The following COBL variants were observed in gnomAD, a reference collection of about 807,000 sequenced individuals.
COBL encodes the protein protein cordon-bleu.
A neutral mutation model predicts 98.8 loss-of-function variants in COBL; 51 were observed. The ratio of observed to expected loss-of-function variants is 0.52; its 90% CI spans 0.41 to 0.65. The LOEUF is 0.65. Ranked by LOEUF, COBL falls within the 30% of genes least tolerant of loss-of-function variation. The pLI is 0.00. For synonymous variants in COBL, 634 were observed against 651.7 expected (o/e 0.97, Z 0.41); for missense variants, 1,617 against 1,617.5 (o/e 1.00, Z 0.01).
intron 7 of COBL, among the ~76,000 whole-genome samples, chr7:51,076,363 C>T (rs940927699): frequency 1.3e-5 from 2 of 152,214 alleles, no homozygotes; most frequent in East Asian, 3.8e-4. Context: ...GTTCCACGCC[C>T]TCTGCTCAAG....
chr7:51,060,705 T>C (rs767803736), intron 7 of COBL, among the ~76,000 whole-genome samples: 2 of 152,166 alleles, frequency 1.3e-5, no homozygotes, highest in Non-Finnish European at 2.9e-5. Flanking sequence ...CTCATGACTT[T>C]TATGTTCTAT....
At chr7:51,205,409 T>C (rs1791572271) in intron 2 of COBL, among the ~76,000 whole-genome samples, 1 of 151,972 alleles carries the variant, frequency 6.6e-6, no homozygotes, top group Non-Finnish European at 1.5e-5. Context: ...GAAGTCACAA[T>C]GGGGAAAGTA....
At position 51,025,187 on chromosome 7, in the gene COBL, G is replaced by C; in HGVS notation, c.3690C>G (p.Thr1230=). The change falls in exon 12 of 13, where the codon ACC becomes ACG. Residue 1230 remains threonine, a synonymous_variant. Transcript: ENST00000265136. ...PRTASRFSTG[T]LSNTADARQA... ...GCCTTGCGTCTGCGGTGTTGCTGAG[G>C]GTGCCCGTGCTGAACCTGGAGGCCG... The C allele has an allele frequency of 6.2e-7, 1 of 1,611,686 alleles. No homozygotes were observed. The highest frequency in any genetic ancestry group is 8.5e-7 in the Non-Finnish European group (1 of 1,179,806).
At chr7:51,190,119 C>G (rs1397344764) in intron 4 of COBL, among the ~76,000 whole-genome samples, 1 of 152,200 alleles carries the variant, frequency 6.6e-6, no homozygotes, top group Non-Finnish European at 1.5e-5. Flanking sequence ...TTTTAGAGAA[C>G]AGCTAAATGA....
chr7:51,107,174 A>C (rs1348272023), intron 6 of COBL, among the ~76,000 whole-genome samples: 2 of 143,148 alleles, frequency 1.4e-5, no homozygotes, highest in African/African-American at 2.6e-5. Flanking sequence ...GGCTCACTGC[A>C]ACCTCCACCT....
At chr7:51,192,476 T>C (rs1790209460) in intron 3 of COBL, among the ~76,000 whole-genome samples, 1 of 151,998 alleles carries the variant, frequency 6.6e-6, no homozygotes, top group Admixed American at 6.6e-5. Flanking sequence ...TGTGGTGGCA[T>C]GCACCTGTAG....
At chr7:51,261,632 C>A (rs1034928053) in intron 1 of COBL, among the ~76,000 whole-genome samples, 9 of 152,150 alleles carry the variant, frequency 5.9e-5, no homozygotes, top group Non-Finnish European at 1.0e-4. Flanking sequence ...CTGGCCTGTG[C>A]ACCAAGCCCA....
At chr7:51,134,688 CA>C (rs1307005576) in intron 6 of COBL, among the ~76,000 whole-genome samples, 1 of 152,134 alleles carries the variant, frequency 6.6e-6, no homozygotes, top group Admixed American at 6.5e-5. Flanking sequence ...AAGATATTCC[CA>C]GGGGCATGTA....
At chr7:51,184,025 G>T in intron 5 of COBL, 77 bp downstream of exon 5, 1 of 685,602 alleles carries the variant, frequency 1.5e-6, no homozygotes, top group Non-Finnish European at 2.4e-6. Context: ...AAAGTTCCAG[G>T]ACAGGTTGAA....
chr7:51,113,981 G>GT (rs752980311), intron 6 of COBL, among the ~76,000 whole-genome samples: 2 of 152,166 alleles, frequency 1.3e-5, no homozygotes, highest in Non-Finnish European at 2.9e-5. Context: ...AAATGTGCGT[G>GT]TTTTCTAGGT....
intron 2 of COBL, among the ~76,000 whole-genome samples, chr7:51,198,946 G>A (rs1179704489): frequency 1.3e-5 from 2 of 152,200 alleles, no homozygotes; most frequent in African/African-American, 4.8e-5. Flanking sequence ...CAGCCTGCTG[G>A]CAGGCTCATA....
At chr7:51,083,022 A>G in intron 7 of COBL, 3 of 1,531,086 alleles carry the variant, frequency 2.0e-6, no homozygotes, top group Non-Finnish European at 2.6e-6. Context: ...AGAGATGAAC[A>G]GTTAACACAG....
chr7:51,075,613 T>C (rs1169739124), intron 7 of COBL, among the ~76,000 whole-genome samples: 3 of 152,224 alleles, frequency 2.0e-5, no homozygotes, highest in Non-Finnish European at 4.4e-5. Context: ...GTTTGCAAAA[T>C]TCCTGAAATT....
At chr7:51,167,195 T>C (rs151283301) in intron 5 of COBL, among the ~76,000 whole-genome samples, 1,968 of 152,264 alleles carry the variant, frequency 0.013, 29 homozygotes, top group South Asian at 0.051. Flanking sequence ...ATCTTACATT[T>C]GGAAAAACCT....
intron 12 of COBL, 59 bp downstream of exon 12, chr7:51,025,050 C>T: frequency 6.2e-7 from 1 of 1,607,152 alleles, no homozygotes. Context: ...GTCCCTGGAT[C>T]TACGCTGCAC....
At chr7:51,305,543 G>A (rs1802377259) in intron 1 of COBL, among the ~76,000 whole-genome samples, 1 of 136,588 alleles carries the variant, frequency 7.3e-6, no homozygotes, top group African/African-American at 2.7e-5. Flanking sequence ...TCTAACAGAA[G>A]GAGGATTCTG....
chr7:51,168,152 C>A (rs959790860), intron 5 of COBL, among the ~76,000 whole-genome samples: 1 of 152,100 alleles, frequency 6.6e-6, no homozygotes, highest in African/African-American at 2.4e-5. Flanking sequence ...AAAACACTTG[C>A]AAACTACTCA....
chr7:51,140,553 GTA>G (rs528297931), intron 5 of COBL, among the ~76,000 whole-genome samples: 8 of 151,986 alleles, frequency 5.3e-5, no homozygotes, highest in Non-Finnish European at 7.4e-5. Flanking sequence ...GTGTGTGTGC[GTA>G]TATATATATG....
intron 7 of COBL, among the ~76,000 whole-genome samples, chr7:51,063,053 A>C (rs2128912968): frequency 6.6e-6 from 1 of 152,332 alleles, no homozygotes; most frequent in African/African-American, 2.4e-5. Flanking sequence ...CACAGTTATT[A>C]AACTTCCTAA....
Sources: allele counts gnomAD v4.1 joint callset (sites outside exome capture counted in the v4.1 genomes callset), GRCh38; gene constraint gnomAD v4.1.1; transcripts MANE v1.5; gene names NCBI Gene and HGNC (gene_info 2026-07-23, HGNC 2026-07-21).